MAPK8: variants seen among roughly 807,000 people sequenced by gnomAD.
The protein encoded by MAPK8 is mitogen-activated protein kinase 8, also known as JUN N-terminal kinase.
A neutral mutation model predicts 52.9 loss-of-function variants in MAPK8; 13 were observed. The observed-to-expected ratio is 0.25, with a 90% CI of 0.16 to 0.39. MAPK8 has a LOEUF of 0.39. Ranked by LOEUF, MAPK8 falls within the 10% of genes least tolerant of loss-of-function variation. The pLI is 1.00. For missense variants in MAPK8, 300 were observed against 519.2 expected (o/e 0.58, Z 4.10); for synonymous variants, 191 against 169.8 (o/e 1.12, Z -0.97).
At chr10:48,393,403 C>T (rs902857458) in intron 1 of MAPK8, among the ~76,000 whole-genome samples, 1 of 152,114 alleles carries the variant, frequency 6.6e-6, no homozygotes, top group Non-Finnish European at 1.5e-5. Flanking sequence ...ATTCTCTACC[C>T]CTTACATTGT....
rs1022046290 is a variant in MAPK8, at chr10:48,383,829, T to C, written c.-49-17783T>C. Reference sequence around the variant, plus strand: ...AGACTATTAATTTTCCAGTTACCCATTTTATTGCCCTAAGTAGTTGTTAGG... The same window carrying C: ...AGACTATTAATTTTCCAGTTACCCACTTTATTGCCCTAAGTAGTTGTTAGG... On this transcript the variant is annotated intron_variant, in intron 1 of 11. Transcript: ENST00000374189. Among the ~76,000 whole-genome samples the C allele has an allele frequency of 2.0e-5, 3 of 152,232 alleles. No individual in the cohort carries two copies. The South Asian group carries it at 6.2e-4, about 32-fold the overall frequency.
intron 1 of MAPK8, among the ~76,000 whole-genome samples, chr10:48,319,422 C>G (rs1245220107): frequency 2.0e-5 from 3 of 152,000 alleles, no homozygotes; most frequent in Admixed American, 2.0e-4. Context: ...ACACACACCC[C>G]CTCCTCTCCC....
At chr10:48,364,167 G>A (rs1743019184) in intron 1 of MAPK8, among the ~76,000 whole-genome samples, 1 of 152,094 alleles carries the variant, frequency 6.6e-6, no homozygotes, top group South Asian at 2.1e-4. Context: ...TTTTGTGCTT[G>A]GAATTGTATG....
chr10:48,411,303 G>A (rs751730366), intron 5 of MAPK8, among the ~76,000 whole-genome samples: 1 of 152,194 alleles, frequency 6.6e-6, no homozygotes, highest in Non-Finnish European at 1.5e-5. Flanking sequence ...CTGGTATGAG[G>A]TAAGGTTCCA....
chr10:48,348,162 A>G (rs910448396), intron 1 of MAPK8, among the ~76,000 whole-genome samples: 2 of 152,080 alleles, frequency 1.3e-5, no homozygotes, highest in African/African-American at 4.8e-5. Context: ...GCTTTTCTTC[A>G]TGTGTTTGTT....
chr10:48,323,436 G>C (rs1166145463), intron 1 of MAPK8, among the ~76,000 whole-genome samples: 4 of 152,258 alleles, frequency 2.6e-5, no homozygotes, highest in Middle Eastern at 3.4e-3. Flanking sequence ...TTTGGGGCTG[G>C]ACTTATGGTT....
At chr10:48,413,217 AT>A (rs1437340955) in intron 5 of MAPK8, among the ~76,000 whole-genome samples, 1 of 152,032 alleles carries the variant, frequency 6.6e-6, no homozygotes, top group African/African-American at 2.4e-5. Flanking sequence ...TTGGTTCCAC[AT>A]TTAGCTCTTT....
intron 1 of MAPK8, among the ~76,000 whole-genome samples, chr10:48,390,545 G>A (rs953354782): frequency 6.6e-6 from 1 of 152,154 alleles, no homozygotes; most frequent in Admixed American, 6.6e-5. Context: ...CTAAAGTCTG[G>A]CTATATGGTT....
At chr10:48,383,888 T>C (rs1435307153) in intron 1 of MAPK8, among the ~76,000 whole-genome samples, 1 of 152,122 alleles carries the variant, frequency 6.6e-6, no homozygotes, top group Admixed American at 6.5e-5. Context: ...ACATGAAATA[T>C]GTAGAAAAAA....
intron 1 of MAPK8, among the ~76,000 whole-genome samples, chr10:48,359,119 T>A (rs1316972385): frequency 6.6e-6 from 1 of 152,182 alleles, no homozygotes; most frequent in African/African-American, 2.4e-5. Context: ...TAATTTGTGC[T>A]CTCATCTCAT....
At chr10:48,431,151 C>G in intron 10 of MAPK8, 42 bp from the exon 11 acceptor site, 6 of 1,332,576 alleles carry the variant, frequency 4.5e-6, no homozygotes, top group Non-Finnish European at 5.4e-6. Flanking sequence ...GAGATTGGCT[C>G]TTAGACTTTG....
intron 5 of MAPK8, among the ~76,000 whole-genome samples, chr10:48,419,308 A>G (rs533905531): frequency 2.6e-5 from 4 of 152,324 alleles, no homozygotes; most frequent in Admixed American, 2.0e-4. Flanking sequence ...AGTACAGGTA[A>G]TACAGTGCAT....
intron 7 of MAPK8, among the ~76,000 whole-genome samples, chr10:48,424,970 A>C (rs2043586649): frequency 6.6e-6 from 1 of 151,744 alleles, no homozygotes; most frequent in African/African-American, 2.4e-5. Context: ...CTTTTTGTTA[A>C]TGTTCTGTGT....
In MAPK8 at chr10:48,418,943, A is replaced by G. The variant is rs541663651; in HGVS notation, c.451-1212A>G. 2.6e-5 allele frequency among the ~76,000 whole-genome samples: 4 copies of G among 152,324 alleles called. No individual in the cohort carries two copies. In the East Asian group the frequency reaches 7.7e-4, roughly 29 times the overall value. Reference sequence around the variant, plus strand: ...CCTTCAACCATCACACTAAACATTGAAGTAGTATCAAAGCTTGTAATATTT... The same window carrying G: ...CCTTCAACCATCACACTAAACATTGGAGTAGTATCAAAGCTTGTAATATTT... On this transcript the variant is annotated intron_variant, in intron 5 of 11. Coordinates refer to ENST00000374189, the MANE Select transcript of MAPK8 (RefSeq NM_001323329.2).
intron 1 of MAPK8, among the ~76,000 whole-genome samples, chr10:48,327,034 T>G (rs79399427): frequency 6.6e-6 from 1 of 152,256 alleles, no homozygotes; most frequent in African/African-American, 2.4e-5. Context: ...TTATTTCTTT[T>G]CCCCCCTCCG....
At chr10:48,368,914 A>G (rs1048162098) in intron 1 of MAPK8, among the ~76,000 whole-genome samples, 1 of 152,092 alleles carries the variant, frequency 6.6e-6, no homozygotes. Context: ...TCTCTTAACT[A>G]TACAGCTCTA....
intron 1 of MAPK8, among the ~76,000 whole-genome samples, chr10:48,371,513 G>C (rs1447390144): frequency 3.3e-5 from 5 of 152,172 alleles, no homozygotes; most frequent in African/African-American, 1.2e-4. Flanking sequence ...ATTATTGGAA[G>C]CCTCTGTAGA....
chr10:48,431,085 CTGTT>C (rs1240067913), intron 10 of MAPK8, 104 bp from the exon 11 acceptor site: 1 of 697,410 alleles, frequency 1.4e-6, no homozygotes, highest in African/African-American at 1.8e-5. Flanking sequence ...TGTAAGGACA[CTGTT>C]TGAAGTACTT....
At position 48,361,602 on chromosome 10, in the gene MAPK8, A is replaced by G. The variant is rs528090251; in HGVS notation, c.-49-40010A>G. On this transcript the variant is annotated intron_variant, in intron 1 of 11. Coordinates refer to ENST00000374189, the MANE Select transcript of MAPK8 (RefSeq NM_001323329.2). ...TCATCACTTTCACACTTTAAAGCAA[A>G]TAAAGTTTTTACCACTTCATACTAC... Among the ~76,000 whole-genome samples the G allele has an allele frequency of 2.0e-5, 3 of 152,316 alleles. No individual in the cohort carries two copies. In the East Asian group the frequency reaches 5.8e-4, roughly 29 times the overall value.
Sources: allele counts gnomAD v4.1 joint callset (sites outside exome capture counted in the v4.1 genomes callset), GRCh38; gene constraint gnomAD v4.1.1; transcripts MANE v1.5; gene names NCBI Gene and HGNC (gene_info 2026-07-23, HGNC 2026-07-21).